AP4S1: variants seen among roughly 807,000 people sequenced by gnomAD.
AP4S1 encodes AP-4 complex subunit sigma-1.
In AP4S1, 23 loss-of-function variants were observed where a neutral mutation model predicts 19.8. That is an observed-to-expected ratio of 1.16 (90% CI 0.84 to 1.65). The LOEUF (loss-of-function observed/expected upper bound fraction) is 1.65, where lower values mean the gene tolerates loss of function less well. Among genes scored for constraint, AP4S1 ranks in the 40% most tolerant of loss-of-function variants. The pLI is 0.00. For missense variants in AP4S1, 166 were observed against 172.8 expected, an observed-to-expected ratio of 0.96 and a Z score of 0.22; for synonymous variants, 46 against 54.1, an observed-to-expected ratio of 0.85 and a Z score of 0.66.
At chr14:31,055,825 TTTTTTTC>T (rs1237297030) in intron 1 of AP4S1, among the ~76,000 whole-genome samples, 43 of 152,144 alleles carry the variant, frequency 2.8e-4, no homozygotes, top group African/African-American at 3.9e-4. Context: ...ATTTTCTTTT[TTTTTTTC>T]TTTTTTCTTT....
At chr14:31,042,125 C>A in intron 1 of AP4S1, among the ~76,000 whole-genome samples, 1 of 152,182 alleles carries the variant, frequency 6.6e-6, no homozygotes. Context: ...GCCACCGCAC[C>A]CGGCCAACAT....
chr14:31,064,698 C>T (rs563599802), intron 1 of AP4S1, among the ~76,000 whole-genome samples: 3 of 152,234 alleles, frequency 2.0e-5, no homozygotes, highest in South Asian at 2.1e-4. Context: ...GGCTCACGCC[C>T]GTAATCCCAA....
At chr14:31,049,592 A>G (rs1885664047) in intron 1 of AP4S1, among the ~76,000 whole-genome samples, 1 of 151,234 alleles carries the variant, frequency 6.6e-6, no homozygotes, top group Admixed American at 6.6e-5. Context: ...AGGTGCATGT[A>G]GACTTATATA....
chr14:31,050,703 T>G (rs761883761), intron 1 of AP4S1, among the ~76,000 whole-genome samples: 1 of 152,204 alleles, frequency 6.6e-6, no homozygotes, highest in Non-Finnish European at 1.5e-5. Flanking sequence ...CCATGATACA[T>G]GTATCAAATA....
At chr14:31,089,220 T>A (rs1888010531) in intron 5 of AP4S1, among the ~76,000 whole-genome samples, 1 of 151,554 alleles carries the variant, frequency 6.6e-6, no homozygotes, top group Non-Finnish European at 1.5e-5. Context: ...GAAGAATGTC[T>A]CCAGGACTAT....
At chr14:31,050,432 C>G (rs1267456050) in intron 1 of AP4S1, among the ~76,000 whole-genome samples, 1 of 152,044 alleles carries the variant, frequency 6.6e-6, no homozygotes, top group Non-Finnish European at 1.5e-5. Flanking sequence ...ATACTTATAT[C>G]TCTCTGATCT....
In AP4S1 at chr14:31,096,089, C is replaced by CAAA. The variant is rs768539772; in HGVS notation, c.*3074_*3076dup. ...CTGGGCACAGAGTGAGATTCCGTCTCAAAAAAAAAAAAAAAAAAAAAAGTA... is the reference window on the plus strand; with the variant it reads ...CTGGGCACAGAGTGAGATTCCGTCTCAAAAAAAAAAAAAAAAAAAAAAAAAGTA... On this transcript the variant is annotated 3_prime_UTR_variant, in exon 6 of 6. Transcript: ENST00000542754. 5.3e-3 allele frequency: 368 copies of CAAA among 69,188 alleles called. 4 individuals are homozygous for CAAA. Among genetic ancestry groups the CAAA allele is most frequent in the Middle Eastern group, 7.9e-3 (1 of 126 alleles). The allele number at this position is 69,188 out of a possible 1,614,324, so 4.3% of individuals were successfully genotyped here.
chr14:31,050,698 A>G lies in AP4S1; in HGVS notation c.-71-15428A>G, dbSNP rs2139495811. ...AATGTTATCCTCTCACATTACCATG[A>G]TACATGTATCAAATATAACAAATTA... On this transcript the variant is annotated intron_variant, in intron 1 of 5. Transcript: ENST00000542754. Among the ~76,000 whole-genome samples the G allele has an allele frequency of 1.3e-5, 2 of 152,310 alleles. 1 individual carries two copies. The highest frequency in any genetic ancestry group is 4.1e-4 in the South Asian group (2 of 4,834).
At chr14:31,062,135 G>A (rs1486724617) in intron 1 of AP4S1, among the ~76,000 whole-genome samples, 5 of 151,788 alleles carry the variant, frequency 3.3e-5, no homozygotes, top group Admixed American at 2.0e-4. Flanking sequence ...TTTAGCTCTT[G>A]TCACCCAGGC....
At chr14:31,030,045 A>G (rs1051329273) in intron 1 of AP4S1, among the ~76,000 whole-genome samples, 2 of 151,656 alleles carry the variant, frequency 1.3e-5, no homozygotes, top group African/African-American at 4.8e-5. Flanking sequence ...CAGTGGCACA[A>G]TCTTGGCTCA....
intron 1 of AP4S1, among the ~76,000 whole-genome samples, chr14:31,029,015 T>G (rs1258665933): frequency 6.6e-6 from 1 of 152,218 alleles, no homozygotes; most frequent in East Asian, 1.9e-4. Context: ...CTTATCCTTT[T>G]TGTCTCCTCA....
At position 31,096,239 on chromosome 14, in the gene AP4S1, T is replaced by C. The variant is rs894954181; in HGVS notation, c.*3204T>C. On this transcript the variant is annotated 3_prime_UTR_variant, in exon 6 of 6. Transcript: ENST00000542754. ...AATTACTGTCATTACAGAAGAGCAA[T>C]GCACTGCATCCCCCCAAAACCTTTC... 5.9e-5 allele frequency: 9 copies of C among 152,010 alleles called. No homozygotes were observed. Among genetic ancestry groups the C allele is most frequent in the African/African-American group, 1.9e-4 (8 of 41,370 alleles). 9.4% of individuals were successfully genotyped at this position (152,010 alleles called of 1,614,324 possible).
At chr14:31,067,829 T>A (rs1886806538) in intron 2 of AP4S1, among the ~76,000 whole-genome samples, 1 of 142,880 alleles carries the variant, frequency 7.0e-6, no homozygotes, top group South Asian at 2.2e-4. Context: ...AAAAACTGAG[T>A]CCATTTTGCA....
chr14:31,035,424 C>G (rs1257310660), intron 1 of AP4S1, among the ~76,000 whole-genome samples: 2 of 151,820 alleles, frequency 1.3e-5, no homozygotes, highest in East Asian at 1.9e-4. Flanking sequence ...ATCTCCTGAC[C>G]TTGTGATCTG....
At chr14:31,088,024 C>G (rs914673968) in intron 5 of AP4S1, among the ~76,000 whole-genome samples, 28 of 152,280 alleles carry the variant, frequency 1.8e-4, no homozygotes, top group African/African-American at 6.3e-4. Context: ...CATTGAGAGA[C>G]GAGGGACCCA....
At chr14:31,031,758 G>A (rs143634567) in intron 1 of AP4S1, among the ~76,000 whole-genome samples, 2 of 152,256 alleles carry the variant, frequency 1.3e-5, no homozygotes, top group East Asian at 1.9e-4. Flanking sequence ...AACTGTGGCT[G>A]AGTCATTTCC....
In AP4S1 at chr14:31,069,875, G is replaced by A. The variant is rs374522050; in HGVS notation, c.171G>A (p.Leu57=). ...CSFIEYKDFK[L]IYRQYAALFI... ...TCATTGAATATAAGGATTTTAAGCT[G>A]ATATATCGGCAGTATGCAGCTCTCT... is the stretch of plus-strand genomic sequence containing the variant. The change falls in exon 3 of 6, where the codon CTG becomes CTA. Residue 57 remains leucine (L), a synonymous_variant. Coordinates refer to ENST00000542754, the MANE Select transcript of AP4S1 (RefSeq NM_001128126.3). 14 of 1,613,420 alleles carry A rather than the reference G, an allele frequency of 8.7e-6. No homozygotes were observed. In the African/African-American group the frequency reaches 1.7e-4, roughly 20 times the overall value.
intron 3 of AP4S1, among the ~76,000 whole-genome samples, chr14:31,070,446 C>T (rs1454554358): frequency 1.3e-5 from 2 of 151,970 alleles, no homozygotes; most frequent in Non-Finnish European, 2.9e-5. Context: ...TGGGATCTCA[C>T]TGTATTGCCC....
chr14:31,072,480 C>T (rs953941087), intron 3 of AP4S1, among the ~76,000 whole-genome samples: 11 of 152,152 alleles, frequency 7.2e-5, no homozygotes, highest in African/African-American at 2.7e-4. Context: ...AAGCCATCCT[C>T]CTGCCTCAGT....
Sources: allele counts gnomAD v4.1 joint callset (sites outside exome capture counted in the v4.1 genomes callset), GRCh38; gene constraint gnomAD v4.1.1; transcripts MANE v1.5; gene names NCBI Gene and HGNC (gene_info 2026-07-23, HGNC 2026-07-21).